PRKN: variants seen among roughly 807,000 people sequenced by gnomAD.
PRKN encodes E3 ubiquitin-protein ligase parkin.
A neutral mutation model predicts 59.5 loss-of-function variants in PRKN; 56 were observed. That is an observed-to-expected ratio of 0.94 (90% CI 0.76 to 1.18). The LOEUF is 1.18. Among genes scored for constraint, PRKN ranks in the 50% most tolerant of loss-of-function variants. The pLI is 0.00. For synonymous variants in PRKN, 250 were observed against 222.1 expected, an observed-to-expected ratio of 1.13 and a Z score of -1.12; for missense variants, 657 against 596.4, an observed-to-expected ratio of 1.10 and a Z score of -1.06.
chr6:161,800,075 G>A (rs1044517484), intron 6 of PRKN, among the ~76,000 whole-genome samples: 2 of 152,110 alleles, frequency 1.3e-5, no homozygotes, highest in Admixed American at 6.6e-5. Flanking sequence ...TTTAAGTAGG[G>A]ATGCAACATA....
At chr6:162,305,047 C>T (rs1014729375) in intron 2 of PRKN, among the ~76,000 whole-genome samples, 1 of 152,110 alleles carries the variant, frequency 6.6e-6, no homozygotes, top group Admixed American at 6.5e-5. Flanking sequence ...ACTAGAGATA[C>T]CTAAGCACCA....
chr6:162,339,054 G>C (rs1248709799), intron 2 of PRKN, among the ~76,000 whole-genome samples: 2 of 146,506 alleles, frequency 1.4e-5, no homozygotes, highest in Non-Finnish European at 3.0e-5. Context: ...CCCTCCGCCC[G>C]GCAGCCGCCC....
intron 2 of PRKN, among the ~76,000 whole-genome samples, chr6:162,400,457 CAA>C (rs3081908): frequency 0.19 from 18,964 of 98,114 alleles, 1,283 homozygotes; most frequent in Admixed American, 0.24. Context: ...ATGTAAATAT[CAA>C]AAAAAAAAAA....
intron 1 of PRKN, among the ~76,000 whole-genome samples, chr6:162,535,329 C>A (rs2128198053): frequency 6.6e-6 from 1 of 152,226 alleles, no homozygotes; most frequent in East Asian, 1.9e-4. Flanking sequence ...GTTCAGATAA[C>A]TTTTAGAGTC....
chr6:162,120,742 G>C (rs111370356), intron 4 of PRKN, among the ~76,000 whole-genome samples: 1 of 152,150 alleles, frequency 6.6e-6, no homozygotes, highest in South Asian at 2.1e-4. Flanking sequence ...CCAGAGCCAG[G>C]AGGCTTCTAA....
At position 161,785,864 on chromosome 6, in the gene PRKN, C is replaced by G. The variant is rs1214145439; in HGVS notation, c.779G>C (p.Cys260Ser). ...VFQCNSRHVICLDCFHLYCVT... is the reference protein window; with the variant it reads ...VFQCNSRHVISLDCFHLYCVT... Reference sequence around the variant, plus strand: ...ACAGTATAAGTGGAAACAGTCTAAGCAAATCACGTGGCGGGAGTTGCACTG... The same window carrying G: ...ACAGTATAAGTGGAAACAGTCTAAGGAAATCACGTGGCGGGAGTTGCACTG... Residue 260 changes from cysteine to serine, a missense_variant, in exon 7 of 12, where the codon TGC (cysteine) becomes TCC (serine). Coordinates refer to ENST00000366898, the MANE Select transcript of PRKN (RefSeq NM_004562.3). 6.2e-7 allele frequency: 1 copy of G among 1,614,052 alleles called. No homozygotes were observed. Among genetic ancestry groups the G allele is most frequent in the Non-Finnish European group, 8.5e-7 (1 of 1,180,026 alleles).
intron 10 of PRKN, among the ~76,000 whole-genome samples, chr6:161,375,541 G>A (rs748654092): frequency 1.3e-5 from 2 of 152,138 alleles, no homozygotes; most frequent in Non-Finnish European, 2.9e-5. Context: ...GTAATACTTT[G>A]CAACTTACAA....
chr6:161,828,848 T>TAAACCTGGGAGATGGAGGTTGCAGTGAGC (rs1792355419), intron 6 of PRKN, among the ~76,000 whole-genome samples: 1 of 151,612 alleles, frequency 6.6e-6, no homozygotes, highest in Admixed American at 6.6e-5. Flanking sequence ...GAGAATTGCT[T>TAAACCTGGGAGATGGAGGTTGCAGTGAGC]AAACCTGGGA....
At chr6:162,294,653 T>G (rs1404154744) in intron 2 of PRKN, among the ~76,000 whole-genome samples, 1 of 152,148 alleles carries the variant, frequency 6.6e-6, no homozygotes, top group Non-Finnish European at 1.5e-5. Flanking sequence ...TCTGACGTTA[T>G]TAAAGATGTG....
rs146228328 is a variant in PRKN at position 162,176,914 on chromosome 6, A to G, written c.534+24217T>C. Among the ~76,000 whole-genome samples, 516 of 131,114 alleles carry G rather than the reference A, an allele frequency of 3.9e-3. 4 individuals carry two copies. The highest frequency in any genetic ancestry group is 0.013 in the African/African-American group (473 of 35,138). The allele number at this position is 131,114 out of a possible 152,430, so 86.0% of individuals were successfully genotyped here. A position where few individuals can be genotyped will look rare whatever the true frequency, so the allele number is the denominator to read the frequency against. On this transcript the variant is annotated intron_variant, in intron 4 of 11. Transcript: ENST00000366898. ...TTTTGTTTTGGCTAATCAGACTCTGAACACAATGAAATTCCTTTTTTTTTT... is the reference window on the plus strand; with the variant it reads ...TTTTGTTTTGGCTAATCAGACTCTGGACACAATGAAATTCCTTTTTTTTTT...
In PRKN at chr6:161,399,792, C is replaced by T. The variant is rs1346454089; in HGVS notation, c.1084-12915G>A. Among the ~76,000 whole-genome samples the T allele has an allele frequency of 6.6e-6, 1 of 151,780 alleles. No individual in the cohort carries two copies. Among genetic ancestry groups the T allele is most frequent in the African/African-American group, 2.4e-5 (1 of 41,262 alleles). On this transcript the variant is annotated intron_variant, in intron 9 of 11. Transcript: ENST00000366898. The surrounding 1 kb of genome is among the most constrained non-coding windows in gnomAD (Gnocchi z 4.4). ...TTTGTCTTTTTGATTTTGAAACCAC[C>T]GTGAAAGGATACAGCCTAGAACAGT...
chr6:161,731,623 T>C (rs144409766), intron 7 of PRKN, among the ~76,000 whole-genome samples: 80 of 152,346 alleles, frequency 5.3e-4, no homozygotes, highest in African/African-American at 1.8e-3. Context: ...TAAAACTGAA[T>C]GATCCCCCAC....
At chr6:161,490,636 C>T (rs149467009) in intron 9 of PRKN, among the ~76,000 whole-genome samples, 81 of 152,146 alleles carry the variant, frequency 5.3e-4, no homozygotes, top group African/African-American at 1.9e-3. Context: ...GGTGATCCTC[C>T]CACCTTGGCA....
At chr6:162,493,844 C>A (rs1462149936) in intron 1 of PRKN, among the ~76,000 whole-genome samples, 1 of 152,182 alleles carries the variant, frequency 6.6e-6, no homozygotes, top group African/African-American at 2.4e-5. Flanking sequence ...TTCCACCTCT[C>A]ACCAGCTGGC....
chr6:161,662,775 C>T (rs1272840678), intron 7 of PRKN, among the ~76,000 whole-genome samples: 4 of 152,094 alleles, frequency 2.6e-5, no homozygotes, highest in Admixed American at 1.3e-4. Flanking sequence ...ATACAGAGTA[C>T]AGGCTGTATT....
chr6:162,237,330 C>T (rs528809694), intron 3 of PRKN, among the ~76,000 whole-genome samples: 18 of 151,990 alleles, frequency 1.2e-4, no homozygotes, highest in Admixed American at 4.6e-4. Flanking sequence ...GTCAGTGAAG[C>T]GAATAAAAAC....
At position 162,408,412 on chromosome 6, in the gene PRKN, C is replaced by G. The variant is rs141571636; in HGVS notation, c.171+34898G>C. ...AAATACAGGTTAATTCAAAGAAGCA[C>G]TCACAAAATGCCCTCAATATGATTT... is the stretch of plus-strand genomic sequence containing the variant. On this transcript the variant is annotated intron_variant, in intron 2 of 11. Coordinates refer to ENST00000366898, the MANE Select transcript of PRKN (RefSeq NM_004562.3). Among the ~76,000 whole-genome samples the G allele has an allele frequency of 1.2e-4, 19 of 152,184 alleles. 1 individual carries two copies. In the East Asian group the frequency reaches 2.9e-3, roughly 23 times the overall value.
chr6:162,042,067 C>T (rs1274030318), intron 5 of PRKN, among the ~76,000 whole-genome samples: 1 of 152,006 alleles, frequency 6.6e-6, no homozygotes, highest in Non-Finnish European at 1.5e-5. Context: ...GCCATAATTA[C>T]TCAGCTGTAA....
At chr6:162,015,214 A>G (rs1413184373) in intron 5 of PRKN, among the ~76,000 whole-genome samples, 2 of 152,162 alleles carry the variant, frequency 1.3e-5, no homozygotes, top group African/African-American at 4.8e-5. Flanking sequence ...ACAAATCGCT[A>G]AACTGTGGCA....
Sources: gnomAD v4.1 joint callset for allele counts (sites outside exome capture counted in the v4.1 genomes callset) on GRCh38, gnomAD v4.1.1 for gene constraint, Gnocchi (gnomAD v3.1) non-coding constraint, MANE v1.5 for transcripts, NCBI Gene and HGNC (gene_info 2026-07-23, HGNC 2026-07-21) for gene names.